Variants in HERC2 observed in about 807,000 individuals in gnomAD.
HERC2 encodes E3 ubiquitin-protein ligase HERC2.
HERC2 carries 102 observed loss-of-function variants against 537.7 expected under a neutral mutation model. That is an observed-to-expected ratio of 0.19 (90% CI 0.16 to 0.22). HERC2 has a LOEUF of 0.22. Among genes scored for constraint, HERC2 ranks in the 10% least tolerant of loss-of-function variants. The probability of loss-of-function intolerance (pLI) is 1.00; values close to 1 mark genes in which losing one functional copy is unlikely to be tolerated. For synonymous variants in HERC2, 2,224 were observed against 2,466.2 expected, an observed-to-expected ratio of 0.90 and a Z score of 2.91; for missense variants, 4,236 against 6,198.2, an observed-to-expected ratio of 0.68 and a Z score of 10.63.
chr15:28,238,126 G>C lies in HERC2; in HGVS notation c.3840C>G (p.Gly1280=). 1 of 1,611,228 alleles carries C rather than the reference G, an allele frequency of 6.2e-7. No homozygotes were observed. The highest frequency in any genetic ancestry group is 8.5e-7 in the Non-Finnish European group (1 of 1,179,252). Reference sequence around the variant, plus strand: ...CATACAGCCTCACCTCCAAATACTGGCCAACACAAAACGCGTGCATGGATT... The same window carrying C: ...CATACAGCCTCACCTCCAAATACTGCCCAACACAAAACGCGTGCATGGATT... ...TRESMHAFCV[G]QYLEPDQEIV... is the part of the protein sequence containing the mutation. The change falls in exon 25 of 93, where the codon GGC becomes GGG. Residue 1280 remains glycine (G), a synonymous_variant. Transcript: ENST00000261609.
chr15:28,163,047 A>G, intron 69 of HERC2, 47 bp downstream of exon 69: 1 of 1,514,216 alleles, frequency 6.6e-7, no homozygotes, highest in East Asian at 2.3e-5. Context: ...GGGTGGCCCA[A>G]CATGGAGGAG....
chr15:28,148,842 G>A (rs1239152658), intron 70 of HERC2, among the ~76,000 whole-genome samples: 3 of 147,850 alleles, frequency 2.0e-5, no homozygotes, highest in East Asian at 2.0e-4. Context: ...TAAAACACAC[G>A]CAACTTCTAA....
intron 70 of HERC2, among the ~76,000 whole-genome samples, chr15:28,149,352 C>A (rs184035203): frequency 2.4e-4 from 36 of 151,042 alleles, no homozygotes; most frequent in African/African-American, 8.5e-4. Flanking sequence ...AGTAAAATTA[C>A]CAAAAAAACA....
intron 45 of HERC2, chr15:28,203,653 C>T (rs1161286699): frequency 6.6e-6 from 1 of 152,040 alleles, no homozygotes. Flanking sequence ...CATTTAACCA[C>T]AGACGGCGCA....
chr15:28,252,086 C>T (rs1485154515), intron 20 of HERC2, among the ~76,000 whole-genome samples: 2 of 152,118 alleles, frequency 1.3e-5, no homozygotes, highest in African/African-American at 4.8e-5. Flanking sequence ...TAAGTGCTTC[C>T]TAATAACGGA....
At position 28,279,627 on chromosome 15, in the gene HERC2, A is replaced by ACG. The variant is rs1480300865; in HGVS notation, c.542+440_542+441insCG. 3.5e-3 allele frequency among the ~76,000 whole-genome samples: 528 copies of ACG among 150,770 alleles called. 2 individuals are homozygous for ACG. Among genetic ancestry groups the ACG allele is most frequent in the African/African-American group, 0.012 (499 of 40,606 alleles). ...CAAGACCCCATCTCCACACACACAC[A>ACG]CACACACACACACACACACACACAA... On this transcript the variant is annotated intron_variant, in intron 5 of 92. Transcript: ENST00000261609.
At chr15:28,155,180 G>A (rs1892870024) in intron 69 of HERC2, among the ~76,000 whole-genome samples, 1 of 151,934 alleles carries the variant, frequency 6.6e-6, no homozygotes, top group East Asian at 1.9e-4. Context: ...GGACATTTGG[G>A]TTAGTTCCAA....
chr15:28,215,703 A>G lies in HERC2; in HGVS notation c.6128T>C (p.Leu2043Pro). The G allele has an allele frequency of 6.2e-7, 1 of 1,611,990 alleles. No homozygotes were observed. Among genetic ancestry groups the G allele is most frequent in the Non-Finnish European group, 8.5e-7 (1 of 1,179,834 alleles). Residue 2043 changes from leucine to proline, a missense_variant, in exon 39 of 93, where the codon CTC (leucine) becomes CCC (proline). Transcript: ENST00000261609. ...CAGCGTGATCCACTGCGGGGAGCTG[A>G]GGGCGCCGCATACCTGCGGCGTGAG... ...IALTPQVCGA[L>P]SSPQWITLLM... is the part of the protein sequence containing the mutation.
rs532645243 is a variant in HERC2 at position 28,174,483 on chromosome 15, C to G, written c.9969G>C (p.Ala3323=). The part of the protein sequence containing the change: ...RVACGSSHSV[A]WTTVDVATPS... The stretch of plus-strand genomic sequence containing the variant: ...GCGTGGCCACATCCACAGTTGTCCA[C>G]GCCACACTGTGGGACGACCCACAAG... The change falls in exon 65 of 93, where the codon GCG becomes GCC. Residue 3323 remains alanine, a synonymous_variant. Transcript: ENST00000261609. The G allele has an allele frequency of 2.5e-6, 4 of 1,613,980 alleles. No homozygotes were observed. The highest frequency in any genetic ancestry group is 3.4e-6 in the Non-Finnish European group (4 of 1,179,908).
chr15:28,270,653 T>C (rs1329130028), intron 10 of HERC2, 42 bp downstream of exon 10: 2 of 1,587,978 alleles, frequency 1.3e-6, no homozygotes, highest in East Asian at 2.2e-5. Context: ...CAAGTGGTAC[T>C]AGCTACAAAA....
intron 78 of HERC2, among the ~76,000 whole-genome samples, chr15:28,138,074 G>C (rs1301354842): frequency 6.6e-6 from 1 of 152,184 alleles, no homozygotes. Flanking sequence ...TCAATTCCAC[G>C]AAGGCTAACA....
chr15:28,148,455 GAA>G (rs1477088801), intron 70 of HERC2, among the ~76,000 whole-genome samples: 1 of 152,138 alleles, frequency 6.6e-6, no homozygotes, highest in Non-Finnish European at 1.5e-5. Context: ...AGTGTCCCCA[GAA>G]AAGACTGCTA....
Position 28,191,199 on chromosome 15 carries a change from A to G in HERC2, c.8497T>C (p.Leu2833=). 7 of 1,613,960 alleles carry G rather than the reference A, an allele frequency of 4.3e-6. No individual in the cohort carries two copies. The highest frequency in any genetic ancestry group is 5.1e-6 in the Non-Finnish European group (6 of 1,179,912). ...EIFPDVLVHR[L]KMIVDPADSS... ...TCAGCAGGATCTACGATCATTTTTA[A>G]TCTATGAACAAGAACATCTGGGAAA... is the stretch of plus-strand genomic sequence containing the variant. The change falls in exon 54 of 93, where the codon TTA becomes CTA. Residue 2833 remains leucine (L), a synonymous_variant. Transcript: ENST00000261609.
chr15:28,218,925 G>T (rs181870320), intron 37 of HERC2, among the ~76,000 whole-genome samples: 161 of 152,024 alleles, frequency 1.1e-3, no homozygotes, highest in South Asian at 5.0e-3. Flanking sequence ...GACCTCGCAG[G>T]GTAAGCAGTC....
At chr15:28,249,443 A>T (rs898828989) in intron 20 of HERC2, among the ~76,000 whole-genome samples, 1 of 152,204 alleles carries the variant, frequency 6.6e-6, no homozygotes, top group Non-Finnish European at 1.5e-5. Flanking sequence ...GAGAAGAAAC[A>T]TATGTTCCCA....
chr15:28,260,698 G>A, intron 16 of HERC2, 79 bp downstream of exon 16: 1 of 1,147,882 alleles, frequency 8.7e-7, no homozygotes, highest in Admixed American at 2.0e-5. Context: ...AAAACTCAGT[G>A]GTATTTTCTA....
Position 28,230,386 on chromosome 15 carries a change from A to G in HERC2, c.4790T>C (p.Ile1597Thr), listed in dbSNP as rs145118418. ...HSPINVDKRP[I>T]AIKSPKDKWQ... ...CTGCACCTTGGGTGATTTAATTGCA[A>G]TGGGTCTCTTGTCCACATTTATTGG... is the stretch of plus-strand genomic sequence containing the variant. Residue 1597 changes from isoleucine (I) to threonine (T), a missense_variant, in exon 31 of 93, where the codon ATT (isoleucine) becomes ACT (threonine). Physicochemically the swap from Ile to Thr is moderately conservative, Grantham distance 89. This residue lies in a region of HERC2 where 343 missense variants were observed against 417.2 expected (regional missense o/e 0.82). Transcript: ENST00000261609. 9 of 1,560,392 alleles carry G rather than the reference A, an allele frequency of 5.8e-6. No individual in the cohort carries two copies. In the African/African-American group the frequency reaches 1.1e-4, roughly 19 times the overall value.
intron 35 of HERC2, among the ~76,000 whole-genome samples, chr15:28,226,165 C>A (rs570349424): frequency 6.6e-6 from 1 of 152,220 alleles, no homozygotes; most frequent in South Asian, 2.1e-4. Context: ...AGACATTCCA[C>A]ATTCAGAGAA....
intron 2 of HERC2, among the ~76,000 whole-genome samples, chr15:28,316,383 T>C (rs1269619454): frequency 6.6e-6 from 1 of 152,096 alleles, no homozygotes; most frequent in Non-Finnish European, 1.5e-5. Flanking sequence ...CTCATACATG[T>C]AATCACAGCA....
Sources: gnomAD v4.1 joint callset for allele counts (sites outside exome capture counted in the v4.1 genomes callset) on GRCh38, gnomAD v4.1.1 for gene constraint, gnomAD v4.1.1 regional missense constraint, MANE v1.5 for transcripts, NCBI Gene and HGNC (gene_info 2026-07-23, HGNC 2026-07-21) for gene names.